EXOC4: variants seen among roughly 807,000 people sequenced by gnomAD.
The protein encoded by EXOC4 is exocyst complex component 4, also known as SEC8-like 1.
A neutral mutation model predicts 107.2 loss-of-function variants in EXOC4; 71 were observed. The observed-to-expected ratio is 0.66, with a 90% CI of 0.55 to 0.81. The LOEUF (loss-of-function observed/expected upper bound fraction) is 0.81. Among genes scored for constraint, EXOC4 ranks in the 30% least tolerant of loss-of-function variants. The pLI is 0.00. For synonymous variants in EXOC4, 456 were observed against 441.2 expected, an observed-to-expected ratio of 1.03 and a Z score of -0.42; for missense variants, 1,108 against 1,189.6, an observed-to-expected ratio of 0.93 and a Z score of 1.01.
At chr7:133,676,892 C>A (rs1325849723) in intron 10 of EXOC4, among the ~76,000 whole-genome samples, 1 of 147,688 alleles carries the variant, frequency 6.8e-6, no homozygotes, top group Non-Finnish European at 1.5e-5. Flanking sequence ...TTCATTTAAT[C>A]AAAAAATAAA....
chr7:133,623,827 G>A lies in EXOC4; in HGVS notation c.1418-6218G>A, dbSNP rs112188386. On this transcript the variant is annotated intron_variant, in intron 9 of 17. Coordinates refer to ENST00000253861, the MANE Select transcript of EXOC4 (RefSeq NM_021807.4). ...ATACTTGTAACAAGGTTACCTTTGT[G>A]ACAAGTTTAGTGGTGGTGGTAGGAG... Among the ~76,000 whole-genome samples the A allele has an allele frequency of 1.9e-3, 292 of 152,270 alleles. 1 individual carries two copies. The highest frequency in any genetic ancestry group is 6.7e-3 in the African/African-American group (278 of 41,550).
chr7:133,279,918 A>G (rs767818311), intron 2 of EXOC4, among the ~76,000 whole-genome samples: 3 of 152,142 alleles, frequency 2.0e-5, no homozygotes, highest in Admixed American at 2.0e-4. Flanking sequence ...AGATGGATTT[A>G]ACTTTCTTCC....
At chr7:133,401,941 C>A (rs1335532525) in intron 7 of EXOC4, among the ~76,000 whole-genome samples, 1 of 152,064 alleles carries the variant, frequency 6.6e-6, no homozygotes, top group Non-Finnish European at 1.5e-5. Context: ...TCACTAAGAA[C>A]CTTGGTAACA....
At chr7:133,966,934 C>T (rs1801084671) in intron 14 of EXOC4, among the ~76,000 whole-genome samples, 1 of 152,128 alleles carries the variant, frequency 6.6e-6, no homozygotes. Context: ...TGGTGGAATT[C>T]AGCTGTGAAT....
chr7:133,501,722 C>G (rs1298482783), intron 9 of EXOC4, among the ~76,000 whole-genome samples: 1 of 152,080 alleles, frequency 6.6e-6, no homozygotes, highest in Admixed American at 6.6e-5. Context: ...TGCATGACCT[C>G]TTTGACAGTT....
chr7:133,715,293 G>A (rs910991964), intron 10 of EXOC4, among the ~76,000 whole-genome samples: 6 of 152,130 alleles, frequency 3.9e-5, no homozygotes, highest in African/African-American at 1.4e-4. Context: ...GACTACAGTT[G>A]TGCCCAAATC....
intron 4 of EXOC4, among the ~76,000 whole-genome samples, chr7:133,310,392 CA>C (rs1470242628): frequency 6.6e-6 from 1 of 152,126 alleles, no homozygotes; most frequent in Non-Finnish European, 1.5e-5. Flanking sequence ...AGTGAAATGA[CA>C]TACAGAAGGT....
At chr7:133,949,313 A>T (rs554829535) in intron 14 of EXOC4, among the ~76,000 whole-genome samples, 1 of 152,338 alleles carries the variant, frequency 6.6e-6, no homozygotes, top group African/African-American at 2.4e-5. Context: ...TTCCTTATTA[A>T]TAGCAGTTAA....
intron 11 of EXOC4, among the ~76,000 whole-genome samples, chr7:133,878,273 G>A (rs770416438): frequency 2.6e-5 from 4 of 152,104 alleles, no homozygotes; most frequent in Non-Finnish European, 4.4e-5. Context: ...TTCAAACTAG[G>A]ATTCCATCTA....
intron 10 of EXOC4, among the ~76,000 whole-genome samples, chr7:133,712,497 A>G (rs1794915706): frequency 6.6e-6 from 1 of 150,986 alleles, no homozygotes; most frequent in Non-Finnish European, 1.5e-5. Context: ...CACTGCTGGT[A>G]GGAATACAAA....
chr7:133,484,154 G>T, intron 9 of EXOC4: 1 of 1,606,666 alleles, frequency 6.2e-7, no homozygotes, highest in South Asian at 1.1e-5. Context: ...TTAGAAATGT[G>T]ACTCAGTCTA....
rs1216209485 is a variant in EXOC4, at chr7:133,862,530, T to C, written c.1735-33069T>C. 2.6e-5 allele frequency among the ~76,000 whole-genome samples: 4 copies of C among 152,088 alleles called. No individual in the cohort carries two copies. The East Asian group carries it at 7.7e-4, about 29-fold the overall frequency. ...GCCTCATTCCCAGAGGCTTCATTAA[T>C]TAAGGCATTTATTTTGGGGTTTGAT... On this transcript the variant is annotated intron_variant, in intron 11 of 17. Coordinates refer to ENST00000253861, the MANE Select transcript of EXOC4 (RefSeq NM_021807.4).
At chr7:133,322,515 G>A (rs1413352368) in intron 5 of EXOC4, among the ~76,000 whole-genome samples, 6 of 152,024 alleles carry the variant, frequency 3.9e-5, no homozygotes, top group African/African-American at 7.2e-5. Context: ...TTTGTGAAAG[G>A]TCAGATGGTT....
intron 12 of EXOC4, among the ~76,000 whole-genome samples, chr7:133,915,310 T>A (rs1281722543): frequency 1.3e-5 from 2 of 151,410 alleles, no homozygotes; most frequent in Non-Finnish European, 2.9e-5. Flanking sequence ...GTGGAAAGAG[T>A]AAAAATACAG....
chr7:134,015,275 A>G (rs1029321693), intron 17 of EXOC4, among the ~76,000 whole-genome samples: 11 of 152,138 alleles, frequency 7.2e-5, no homozygotes, highest in African/African-American at 2.4e-4. Context: ...TTTCGTATTT[A>G]CTTATTTGTT....
chr7:133,819,882 A>C (rs913814116), intron 11 of EXOC4, among the ~76,000 whole-genome samples: 2 of 152,160 alleles, frequency 1.3e-5, no homozygotes, highest in Non-Finnish European at 2.9e-5. Flanking sequence ...GGGCCATGTC[A>C]AGGCCATATG....
rs192872971 is a variant in EXOC4 at position 133,273,836 on chromosome 7, A to T, written c.87-1146A>T. Among the ~76,000 whole-genome samples the T allele has an allele frequency of 2.2e-3, 336 of 152,298 alleles. 4 individuals are homozygous for T. The highest frequency in any genetic ancestry group is 3.1e-3 in the Non-Finnish European group (208 of 68,018). Reference sequence around the variant, plus strand: ...TAATGATGGACTTATAATTGATGGCATCCATCATTGAGAACCTAAAATATC... The same window carrying T: ...TAATGATGGACTTATAATTGATGGCTTCCATCATTGAGAACCTAAAATATC... On this transcript the variant is annotated intron_variant, in intron 1 of 17. Transcript: ENST00000253861.
chr7:133,407,656 G>A (rs1797253521), intron 7 of EXOC4, among the ~76,000 whole-genome samples: 1 of 152,110 alleles, frequency 6.6e-6, no homozygotes, highest in Non-Finnish European at 1.5e-5. Context: ...TGAAAAGCGT[G>A]GCCATAAATT....
intron 12 of EXOC4, among the ~76,000 whole-genome samples, chr7:133,916,939 T>C (rs1189969180): frequency 2.0e-5 from 3 of 152,310 alleles, no homozygotes; most frequent in African/African-American, 4.8e-5. Context: ...GTAAGAGCAG[T>C]GTTAATAGCT....
Sources: gnomAD v4.1 joint callset for allele counts (sites outside exome capture counted in the v4.1 genomes callset) on GRCh38, gnomAD v4.1.1 for gene constraint, MANE v1.5 for transcripts, NCBI Gene and HGNC (gene_info 2026-07-23, HGNC 2026-07-21) for gene names.